SLC30A7: variants seen among roughly 807,000 people sequenced by gnomAD.
SLC30A7 encodes the protein solute carrier family 30 member 7, also known as zinc transporter 7.
SLC30A7 carries 35 observed loss-of-function variants against 46.0 expected under a neutral mutation model. The ratio of observed to expected loss-of-function variants is 0.76; its 90% CI spans 0.58 to 1.01. The LOEUF (loss-of-function observed/expected upper bound fraction) is 1.01, where lower values mean the gene tolerates loss of function less well. Among genes scored for constraint, SLC30A7 ranks in the 50% least tolerant of loss-of-function variants. SLC30A7 has a pLI of 0.00. For synonymous variants in SLC30A7, 147 were observed against 157.8 expected (o/e 0.93, Z 0.51); for missense variants, 464 against 451.1 (o/e 1.03, Z -0.26).
chr1:100,938,573 G>A (rs1009249351), intron 8 of SLC30A7, among the ~76,000 whole-genome samples: 1 of 152,126 alleles, frequency 6.6e-6, no homozygotes, highest in Non-Finnish European at 1.5e-5. Context: ...CAAGAGTCTG[G>A]GCACAGCTTA....
the SLC30A7 span, among the ~76,000 whole-genome samples, chr1:100,987,451 A>T: frequency 2.6e-5 from 4 of 151,842 alleles, no homozygotes; most frequent in Non-Finnish European, 5.9e-5. Context: ...AGATTGGACA[A>T]TTTCTTTCAT....
At chr1:100,970,993 T>C (rs1197518894) in intron 10 of SLC30A7, among the ~76,000 whole-genome samples, 1 of 152,170 alleles carries the variant, frequency 6.6e-6, no homozygotes, top group Non-Finnish European at 1.5e-5. Flanking sequence ...TCTACCTTTA[T>C]TTCTTCCATC....
chr1:100,914,532 CTA>C (rs966148253), intron 6 of SLC30A7, among the ~76,000 whole-genome samples: 12 of 151,972 alleles, frequency 7.9e-5, no homozygotes, highest in African/African-American at 2.9e-4. Flanking sequence ...ATGTTTACCT[CTA>C]TGTTTTTTTT....
In SLC30A7 at chr1:100,979,792, C is replaced by A. The variant is rs1656817232; in HGVS notation, c.*4935C>A. Reference sequence around the variant, plus strand: ...GTTTGGAGATAATTTAAGTGACTTGCCTGGGGAATCTAGCCAGTAGTAGAG... The same window carrying A: ...GTTTGGAGATAATTTAAGTGACTTGACTGGGGAATCTAGCCAGTAGTAGAG... On this transcript the variant is annotated 3_prime_UTR_variant, in exon 11 of 11. Coordinates refer to ENST00000357650, the MANE Select transcript of SLC30A7 (RefSeq NM_133496.5). 1 of 152,034 alleles carries A rather than the reference C, an allele frequency of 6.6e-6. No homozygotes were observed. The highest frequency in any genetic ancestry group is 2.1e-4 in the South Asian group (1 of 4,828). 9.4% of individuals were successfully genotyped at this position (152,034 alleles called of 1,614,324 possible).
chr1:100,922,820 T>A (rs1156667030), intron 8 of SLC30A7, among the ~76,000 whole-genome samples: 1 of 152,134 alleles, frequency 6.6e-6, no homozygotes, highest in Non-Finnish European at 1.5e-5. Flanking sequence ...TTTATCATAA[T>A]GATAAGACAT....
chr1:100,911,070 A>G lies in SLC30A7; in HGVS notation c.304A>G (p.Arg102Gly). The G allele has an allele frequency of 1.2e-6, 2 of 1,609,586 alleles. No individual in the cohort carries two copies. Among genetic ancestry groups the G allele is most frequent in the Non-Finnish European group, 1.7e-6 (2 of 1,177,310 alleles). ...TACTTTGTTCCTCTTTAGGTATGTT[A>G]GAGCGGAAGTTCTGGCTGGCTTTGT... is the stretch of plus-strand genomic sequence containing the variant. ...DNDAFSYGYV[R>G]AEVLAGFVNG... is the part of the protein sequence containing the mutation. The change falls in exon 4 of 11, where the codon AGA becomes GGA. Residue 102 changes from arginine (R) to glycine (G), a missense_variant. Coordinates refer to ENST00000357650, the MANE Select transcript of SLC30A7 (RefSeq NM_133496.5).
At chr1:100,917,896 A>G (rs937457785) in intron 6 of SLC30A7, among the ~76,000 whole-genome samples, 181 bp from the exon 7 acceptor site, 16 of 152,220 alleles carry the variant, frequency 1.1e-4, no homozygotes, top group Middle Eastern at 3.2e-3. Context: ...TTTTAAAACT[A>G]CTGCCACTAA....
intron 10 of SLC30A7, among the ~76,000 whole-genome samples, chr1:100,966,432 A>G (rs1466295488): frequency 1.3e-5 from 2 of 151,792 alleles, no homozygotes; most frequent in African/African-American, 4.8e-5. Context: ...AAAAATAGAA[A>G]AAATTAGCCG....
In SLC30A7 at chr1:100,976,704, T is replaced by G. The variant is rs555112087; in HGVS notation, c.*1847T>G. 2 of 152,754 alleles carry G rather than the reference T, an allele frequency of 1.3e-5. No individual in the cohort carries two copies. The highest frequency in any genetic ancestry group is 1.3e-4 in the Admixed American group (2 of 15,304). The allele number at this position is 152,754 out of a possible 1,614,324, so 9.5% of individuals were successfully genotyped here. ...TGATGTGGCAGAAATCCCTGTTGATTCTAAGTTTTAGAGTGTCTTTTCCCC... is the reference window on the plus strand; with the variant it reads ...TGATGTGGCAGAAATCCCTGTTGATGCTAAGTTTTAGAGTGTCTTTTCCCC... On this transcript the variant is annotated 3_prime_UTR_variant, in exon 11 of 11. Transcript: ENST00000357650.
intron 10 of SLC30A7, among the ~76,000 whole-genome samples, chr1:100,970,685 C>CAA (rs11351324): frequency 6.5e-5 from 8 of 123,438 alleles, no homozygotes; most frequent in South Asian, 2.7e-4. Context: ...GTACAAACAG[C>CAA]AAAAAAAAAA....
intron 10 of SLC30A7, among the ~76,000 whole-genome samples, chr1:100,968,941 T>A (rs953661639): frequency 9.9e-5 from 15 of 152,246 alleles, no homozygotes; most frequent in Non-Finnish European, 1.2e-4. Flanking sequence ...CCATTGGTCT[T>A]TTTTAACCAC....
chr1:100,952,534 GTTGT>G (rs1655011992), intron 8 of SLC30A7, among the ~76,000 whole-genome samples: 1 of 152,102 alleles, frequency 6.6e-6, no homozygotes, highest in Non-Finnish European at 1.5e-5. Context: ...ACCGTGACAT[GTTGT>G]TTCATGTAAT....
intron 10 of SLC30A7, among the ~76,000 whole-genome samples, chr1:100,967,131 C>T (rs1655912686): frequency 6.6e-6 from 1 of 152,164 alleles, no homozygotes; most frequent in Non-Finnish European, 1.5e-5. Context: ...AATATAAATT[C>T]TGTTCTCAGT....
chr1:100,969,703 A>T (rs911354676), intron 10 of SLC30A7, among the ~76,000 whole-genome samples: 1 of 152,196 alleles, frequency 6.6e-6, no homozygotes, highest in Non-Finnish European at 1.5e-5. Flanking sequence ...ACCTAAGGTC[A>T]AGTCTACTTT....
Position 100,961,685 on chromosome 1 carries a change from A to G in SLC30A7, c.843-143A>G, listed in dbSNP as rs944146772. On this transcript the variant is annotated intron_variant, in intron 8 of 10. Coordinates refer to ENST00000357650, the MANE Select transcript of SLC30A7 (RefSeq NM_133496.5). ...TTACTGATCACGTGGAAAATCTAAA[A>G]CAATGACTGGTTGATTGTTTTTTCT... 18 of 452,918 alleles carry G rather than the reference A, an allele frequency of 4.0e-5. No homozygotes were observed. In the South Asian group the frequency reaches 7.2e-4, roughly 18 times the overall value. 28.1% of individuals were successfully genotyped at this position (452,918 alleles called of 1,614,324 possible).
At chr1:100,956,318 TC>T (rs1008177537) in intron 8 of SLC30A7, among the ~76,000 whole-genome samples, 1 of 152,030 alleles carries the variant, frequency 6.6e-6, no homozygotes, top group African/African-American at 2.4e-5. Context: ...AATTCTAGAG[TC>T]CTCAAACTAA....
At chr1:100,905,756 A>G (rs932836483) in intron 2 of SLC30A7, among the ~76,000 whole-genome samples, 16 of 152,202 alleles carry the variant, frequency 1.1e-4, no homozygotes, top group African/African-American at 3.6e-4. Context: ...ATTCTTTTAT[A>G]GTTTTTATCT....
At position 100,906,750 on chromosome 1, in the gene SLC30A7, G is replaced by A. The variant is rs1330522271; in HGVS notation, c.183-102G>A. On this transcript the variant is annotated intron_variant, in intron 2 of 10. Transcript: ENST00000357650. ...GCATATTTAAATTGTTGTTTTAGAT[G>A]GTTAATTCCTGATGAACAAAGGCTG... is the stretch of plus-strand genomic sequence containing the variant. 4.0e-6 allele frequency: 3 copies of A among 743,558 alleles called. No homozygotes were observed. In the Admixed American group the frequency reaches 6.7e-5, roughly 17 times the overall value. The allele number at this position is 743,558 out of a possible 1,614,324, so 46.1% of individuals were successfully genotyped here.
At chr1:100,910,814 C>G (rs1255864320) in intron 3 of SLC30A7, among the ~76,000 whole-genome samples, 2 of 152,098 alleles carry the variant, frequency 1.3e-5, no homozygotes, top group African/African-American at 4.8e-5. Context: ...ACTACTTACT[C>G]TAAGAAGATC....
Sources: gnomAD v4.1 joint callset for allele counts (sites outside exome capture counted in the v4.1 genomes callset) on GRCh38, gnomAD v4.1.1 for gene constraint, MANE v1.5 for transcripts, NCBI Gene and HGNC (gene_info 2026-07-23, HGNC 2026-07-21) for gene names.